Variants in CSPP1 observed in about 807,000 individuals in gnomAD.
CSPP1 encodes the protein centrosome and spindle pole-associated protein 1.
A neutral mutation model predicts 164.4 loss-of-function variants in CSPP1; 126 were observed. The ratio of observed to expected loss-of-function variants is 0.77; its 90% CI spans 0.66 to 0.89. CSPP1 has a LOEUF of 0.89. Ranked by LOEUF, CSPP1 falls within the 40% of genes least tolerant of loss-of-function variation. CSPP1 has a pLI of 0.00. For synonymous variants in CSPP1, 472 were observed against 476.7 expected, an observed-to-expected ratio of 0.99 and a Z score of 0.13; for missense variants, 1,395 against 1,449.8, an observed-to-expected ratio of 0.96 and a Z score of 0.61.
intron 25 of CSPP1, 101 bp from the exon 26 acceptor site, chr8:67,175,195 A>G: frequency 1.2e-6 from 1 of 830,172 alleles, no homozygotes. Context: ...CATTTCCTTG[A>G]TTTTGAAATT....
At chr8:67,076,401 TTTAA>T (rs1415301449) in intron 2 of CSPP1, 77 bp from the exon 3 acceptor site, 2 of 694,474 alleles carry the variant, frequency 2.9e-6, no homozygotes, top group Admixed American at 2.9e-5. Context: ...CATCAAGCTG[TTTAA>T]TTAAAATTTG....
At chr8:67,122,863 A>G (rs1819237763) in intron 15 of CSPP1, among the ~76,000 whole-genome samples, 1 of 151,742 alleles carries the variant, frequency 6.6e-6, no homozygotes, top group African/African-American at 2.4e-5. Flanking sequence ...GTTCTGATAT[A>G]CAGTCTTGCT....
intron 28 of CSPP1, among the ~76,000 whole-genome samples, chr8:67,187,526 AT>A (rs1161636673): frequency 2.0e-5 from 3 of 152,112 alleles, no homozygotes; most frequent in East Asian, 1.9e-4. Flanking sequence ...TACAAAAAAA[AT>A]ATTTTAAATT....
At chr8:67,102,249 T>C (rs907881636) in intron 7 of CSPP1, among the ~76,000 whole-genome samples, 1 of 152,180 alleles carries the variant, frequency 6.6e-6, no homozygotes, top group Non-Finnish European at 1.5e-5. Flanking sequence ...TGTCATGGTT[T>C]GTTATATTTT....
intron 1 of CSPP1, among the ~76,000 whole-genome samples, chr8:67,069,778 T>C (rs1419785093): frequency 6.6e-6 from 1 of 151,654 alleles, no homozygotes; most frequent in African/African-American, 2.4e-5. Context: ...CCTGCCTCAG[T>C]GTCCCCCGGT....
At chr8:67,149,603 GAA>G (rs1825297603) in intron 17 of CSPP1, among the ~76,000 whole-genome samples, 178 bp from the exon 18 acceptor site, 1 of 151,976 alleles carries the variant, frequency 6.6e-6, no homozygotes, top group African/African-American at 2.4e-5. Flanking sequence ...ATTATTTTTT[GAA>G]AATCTTAAAA....
In CSPP1 at chr8:67,129,259, A is replaced by G. The variant is rs983403041; in HGVS notation, c.1698-2692A>G. 8.5e-5 allele frequency among the ~76,000 whole-genome samples: 13 copies of G among 152,172 alleles called. No individual in the cohort carries two copies. In the South Asian group the frequency reaches 2.3e-3, roughly 27 times the overall value. Reference sequence around the variant, plus strand: ...TTTAAAATATTCCTTTTGAGATTCTATCATTGCTTCCTTTCACAGGGCTTA... The same window carrying G: ...TTTAAAATATTCCTTTTGAGATTCTGTCATTGCTTCCTTTCACAGGGCTTA... On this transcript the variant is annotated intron_variant, in intron 15 of 30. Transcript: ENST00000678616.
intron 1 of CSPP1, among the ~76,000 whole-genome samples, chr8:67,069,839 T>C (rs569661693): frequency 6.6e-6 from 1 of 152,096 alleles, no homozygotes; most frequent in East Asian, 2.0e-4. Flanking sequence ...TTTGTATTTT[T>C]AGTAGAGACG....
intron 3 of CSPP1, among the ~76,000 whole-genome samples, 157 bp from the exon 4 acceptor site, chr8:67,085,850 G>T (rs1343372884): frequency 6.6e-6 from 1 of 152,078 alleles, no homozygotes; most frequent in Non-Finnish European, 1.5e-5. Context: ...TTATCTGAAT[G>T]TATTATCTAT....
At chr8:67,075,375 T>C (rs1807703381) in intron 2 of CSPP1, among the ~76,000 whole-genome samples, 1 of 152,206 alleles carries the variant, frequency 6.6e-6, no homozygotes, top group East Asian at 1.9e-4. Context: ...TGTTTTTTTC[T>C]GGTTTAGCAT....
intron 15 of CSPP1, among the ~76,000 whole-genome samples, chr8:67,119,063 A>G (rs956644240): frequency 5.9e-5 from 9 of 152,148 alleles, no homozygotes; most frequent in African/African-American, 1.7e-4. Context: ...TTCTCTGGCA[A>G]CCACCATTCT....
chr8:67,167,098 A>G (rs1259527401), intron 24 of CSPP1, among the ~76,000 whole-genome samples: 1 of 152,224 alleles, frequency 6.6e-6, no homozygotes, highest in Non-Finnish European at 1.5e-5. Context: ...GTACAGAACA[A>G]AATGGAGTCT....
At chr8:67,096,308 T>G (rs902426095) in intron 7 of CSPP1, among the ~76,000 whole-genome samples, 1 of 152,318 alleles carries the variant, frequency 6.6e-6, no homozygotes, top group Admixed American at 6.5e-5. Context: ...GGCTCATGCC[T>G]GTAATCCCAG....
intron 19 of CSPP1, among the ~76,000 whole-genome samples, chr8:67,155,696 G>A (rs897299851): frequency 2.0e-5 from 3 of 152,176 alleles, no homozygotes; most frequent in African/African-American, 7.2e-5. Context: ...GCTGAGGTGG[G>A]AGGATTGCTT....
At chr8:67,171,739 G>A (rs943317494) in intron 24 of CSPP1, among the ~76,000 whole-genome samples, 4 of 151,996 alleles carry the variant, frequency 2.6e-5, no homozygotes, top group African/African-American at 9.7e-5. Context: ...GTAGAGACAG[G>A]GTTTCACCAT....
rs762868036 is a variant in CSPP1 at position 67,064,489 on chromosome 8, TC to T, written c.-56del. ...TGTGTCTCCCCGGACGCGAGCCCGC[TC>T]CCCTGAGTAAGAGTCAGCCAGCCGC... On this transcript the variant is annotated 5_prime_UTR_variant, in exon 1 of 31. It removes the in-frame stop codon of an upstream open reading frame in the 5' UTR. Transcript: ENST00000678616. 11 of 1,613,700 alleles carry T rather than the reference TC, an allele frequency of 6.8e-6. No homozygotes were observed. The highest frequency in any genetic ancestry group is 9.3e-6 in the Non-Finnish European group (11 of 1,179,858).
In CSPP1 at chr8:67,177,694, A is replaced by G. The variant is rs370238037; in HGVS notation, c.3124A>G (p.Ile1042Val). Residue 1042 changes from isoleucine to valine, a missense_variant, in exon 27 of 31, where the codon ATC (isoleucine) becomes GTC (valine). Ile to Val is a conservative substitution (Grantham distance 29). Coordinates refer to ENST00000678616, the MANE Select transcript of CSPP1 (RefSeq NM_001382391.1). ...QEGAKVDLDA[I>V]PSAKVREQRM... ...ATTGACTACAGTTGACTTAGATGCCATCCCAAGTGCTAAAGTACGAGAGCA... is the reference window on the plus strand; with the variant it reads ...ATTGACTACAGTTGACTTAGATGCCGTCCCAAGTGCTAAAGTACGAGAGCA... The G allele has an allele frequency of 1.8e-5, 29 of 1,611,792 alleles. No individual in the cohort carries two copies. The highest frequency in any genetic ancestry group is 1.7e-6 in the Non-Finnish European group (2 of 1,178,336).
chr8:67,146,122 C>CTTT lies in CSPP1; in HGVS notation c.1976-3645_1976-3643dup, dbSNP rs939978795. On this transcript the variant is annotated intron_variant, in intron 17 of 30. Coordinates refer to ENST00000678616, the MANE Select transcript of CSPP1 (RefSeq NM_001382391.1). Reference sequence around the variant, plus strand: ...CTGTTTTGTAAGAGAATATACTTTTCTTTTTTTTTTTTTTTTTTGAGACAA... The same window carrying CTTT: ...CTGTTTTGTAAGAGAATATACTTTTCTTTTTTTTTTTTTTTTTTTTTGAGACAA... 1.4e-3 allele frequency among the ~76,000 whole-genome samples: 169 copies of CTTT among 125,126 alleles called. 4 individuals carry two copies. The highest frequency in any genetic ancestry group is 4.7e-3 in the African/African-American group (156 of 33,478). 82.1% of individuals were successfully genotyped at this position (125,126 alleles called of 152,430 possible).
At chr8:67,180,163 T>C (rs1474152433) in intron 28 of CSPP1, among the ~76,000 whole-genome samples, 2 of 152,212 alleles carry the variant, frequency 1.3e-5, no homozygotes, top group Non-Finnish European at 2.9e-5. Flanking sequence ...CGTAACAGCC[T>C]CATTTCTAAT....
Sources: allele counts gnomAD v4.1 joint callset (sites outside exome capture counted in the v4.1 genomes callset), GRCh38; gene constraint gnomAD v4.1.1; transcripts MANE v1.5; gene names NCBI Gene and HGNC (gene_info 2026-07-23, HGNC 2026-07-21).